The following ANKRD36 variants were observed in gnomAD, a reference collection of about 807,000 sequenced individuals.
ANKRD36 encodes the protein ankyrin repeat domain 36, also known as ankyrin repeat domain-containing protein 36A.
ANKRD36 carries 179 observed loss-of-function variants against 278.1 expected under a neutral mutation model. That is an observed-to-expected ratio of 0.64 (90% CI 0.57 to 0.73). ANKRD36 has a LOEUF of 0.73. Among genes scored for constraint, ANKRD36 ranks in the 30% least tolerant of loss-of-function variants. The pLI is 0.00. For synonymous variants in ANKRD36, 320 were observed against 641.1 expected, an observed-to-expected ratio of 0.50 and a Z score of 7.57; for missense variants, 1,159 against 1,956.7, an observed-to-expected ratio of 0.59 and a Z score of 7.69.
intron 62 of ANKRD36, chr2:97,216,810 C>T (rs1475894055): frequency 4.0e-6 from 2 of 498,322 alleles, no homozygotes; most frequent in Non-Finnish European, 7.0e-6. Context: ...CATGAAAGAC[C>T]TGTGGGATCA....
intron 36 of ANKRD36, among the ~76,000 whole-genome samples, chr2:97,192,212 A>G (rs924710379): frequency 3.3e-5 from 5 of 151,780 alleles, no homozygotes; most frequent in African/African-American, 1.2e-4. Flanking sequence ...GAGTGGATGA[A>G]GAAACTTTAG....
chr2:97,221,169 G>A lies in ANKRD36; in HGVS notation c.3877+1923G>A, dbSNP rs946878789. Among the ~76,000 whole-genome samples, 6 of 135,370 alleles carry A rather than the reference G, an allele frequency of 4.4e-5. 1 individual carries two copies. The highest frequency in any genetic ancestry group is 1.0e-4 in the African/African-American group (3 of 29,964). 88.8% of individuals were successfully genotyped at this position (135,370 alleles called of 152,430 possible). A position where few individuals can be genotyped will look rare whatever the true frequency, so the allele number is the denominator to read the frequency against. On this transcript the variant is annotated intron_variant, in intron 66 of 75. Coordinates refer to ENST00000420699, the MANE Select transcript of ANKRD36 (RefSeq NM_001354587.1). ...ATATGTGCCACATTTTCTTAATCCAGTCTATCATTGTTGGACATTTGGGTT... is the reference window on the plus strand; with the variant it reads ...ATATGTGCCACATTTTCTTAATCCAATCTATCATTGTTGGACATTTGGGTT...
At chr2:97,206,008 A>T in intron 51 of ANKRD36, 40 bp downstream of exon 51, 2 of 1,545,818 alleles carry the variant, frequency 1.3e-6, no homozygotes, top group Non-Finnish European at 1.7e-6. Context: ...GAGTTAATAT[A>T]TGGTCTATGA....
At chr2:97,135,625 G>A (rs1285699591) in intron 6 of ANKRD36, among the ~76,000 whole-genome samples, 2 of 150,418 alleles carry the variant, frequency 1.3e-5, no homozygotes, top group East Asian at 2.0e-4. Context: ...TCTGCTTCAC[G>A]TGATCCTGGA....
chr2:97,212,055 A>G (rs1241703005), intron 58 of ANKRD36, among the ~76,000 whole-genome samples: 1 of 151,848 alleles, frequency 6.6e-6, no homozygotes, highest in Non-Finnish European at 1.5e-5. Context: ...AAGAGGGAAA[A>G]GAGAAAGAGA....
At chr2:97,188,685 T>C (rs1277729348) in intron 32 of ANKRD36, among the ~76,000 whole-genome samples, 1 of 90,664 alleles carries the variant, frequency 1.1e-5, no homozygotes, top group Non-Finnish European at 3.9e-5. Flanking sequence ...TGTAGTACAA[T>C]GGTGTAAATC....
At chr2:97,170,321 T>A (rs968695260) in intron 22 of ANKRD36, among the ~76,000 whole-genome samples, 2 of 151,754 alleles carry the variant, frequency 1.3e-5, no homozygotes, top group African/African-American at 4.8e-5. Flanking sequence ...AAGGCTACAG[T>A]AACCAAAACA....
chr2:97,155,010 T>C (rs1575040586), intron 15 of ANKRD36, among the ~76,000 whole-genome samples: 2 of 144,384 alleles, frequency 1.4e-5, no homozygotes, highest in East Asian at 3.9e-4. Context: ...CAGGAAAATA[T>C]GGTTTTGGAA....
intron 12 of ANKRD36, among the ~76,000 whole-genome samples, chr2:97,151,378 C>T (rs982939714): frequency 4.6e-5 from 7 of 152,038 alleles, no homozygotes; most frequent in Admixed American, 1.3e-4. Flanking sequence ...TAGCTTTTGA[C>T]ACGCTGAATA....
chr2:97,203,109 C>A (rs1413192030), intron 48 of ANKRD36, among the ~76,000 whole-genome samples: 2 of 151,806 alleles, frequency 1.3e-5, no homozygotes, highest in African/African-American at 2.4e-5. Context: ...ATAATTGAGA[C>A]AAACTTGAAT....
rs553210286 is a variant in ANKRD36, at chr2:97,217,503, C to T, written c.3775+131C>T. 3.9e-6 allele frequency: 5 copies of T among 1,284,258 alleles called. No homozygotes were observed. In the East Asian group the frequency reaches 1.3e-4, roughly 34 times the overall value. The allele number at this position is 1,284,258 out of a possible 1,614,324, so 79.6% of individuals were successfully genotyped here. On this transcript the variant is annotated intron_variant, in intron 64 of 75. Coordinates refer to ENST00000420699, the MANE Select transcript of ANKRD36 (RefSeq NM_001354587.1). Reference sequence around the variant, plus strand: ...TCAGCAGGCCTGAGATTGTGCATTTCTACTGAGTTGTCAGGTGTTGTTGAT... The same window carrying T: ...TCAGCAGGCCTGAGATTGTGCATTTTTACTGAGTTGTCAGGTGTTGTTGAT...
intron 11 of ANKRD36, among the ~76,000 whole-genome samples, chr2:97,148,495 G>A (rs562954992): frequency 6.6e-6 from 1 of 152,340 alleles, no homozygotes; most frequent in African/African-American, 2.4e-5. Context: ...AAGTACTTAG[G>A]AGGGAGACTT....
At chr2:97,231,438 C>A (rs1210395805) in intron 67 of ANKRD36, among the ~76,000 whole-genome samples, 1 of 152,272 alleles carries the variant, frequency 6.6e-6, no homozygotes, top group Non-Finnish European at 1.5e-5. Flanking sequence ...CCCTCTGAGC[C>A]AGGTGCAGGA....
chr2:97,204,928 T>A lies in ANKRD36; in HGVS notation c.3061+665T>A, dbSNP rs546358482. ...ATAACTCATTACTCCTCTTTGTTAC[T>A]ATTAGGCATCAGAGATACACGTGTT... On this transcript the variant is annotated intron_variant, in intron 50 of 75. Coordinates refer to ENST00000420699, the MANE Select transcript of ANKRD36 (RefSeq NM_001354587.1). Among the ~76,000 whole-genome samples, 34 of 151,622 alleles carry A rather than the reference T, an allele frequency of 2.2e-4. 1 individual carries two copies. The highest frequency in any genetic ancestry group is 1.5e-3 in the South Asian group (7 of 4,790).
chr2:97,216,483 A>T (rs2065958983), intron 62 of ANKRD36: 1 of 157,042 alleles, frequency 6.4e-6, no homozygotes, highest in Admixed American at 6.2e-5. Flanking sequence ...ATAATTGATG[A>T]TATTTTTATT....
chr2:97,157,437 C>T (rs2047757455), intron 15 of ANKRD36, among the ~76,000 whole-genome samples: 2 of 142,858 alleles, frequency 1.4e-5, no homozygotes, highest in South Asian at 4.3e-4. Flanking sequence ...TTGCAGACCG[C>T]ATGTCTTTAG....
intron 11 of ANKRD36, among the ~76,000 whole-genome samples, chr2:97,146,851 C>T (rs1456893673): frequency 4.0e-5 from 6 of 151,552 alleles, no homozygotes; most frequent in Admixed American, 2.0e-4. Context: ...TGCAGCAATG[C>T]GATCACGGTA....
chr2:97,172,831 ATGTG>A lies in ANKRD36; in HGVS notation c.1633+5088_1633+5091del, dbSNP rs368506104. On this transcript the variant is annotated intron_variant, in intron 22 of 75. Transcript: ENST00000420699. The stretch of plus-strand genomic sequence containing the variant: ...ATATTGCTCTGGTTTTTGTGTGTGA[ATGTG>A]TGTGTGTGTGTGTGTGTGTGTGTAT... Among the ~76,000 whole-genome samples, 403 of 146,484 alleles carry A rather than the reference ATGTG, an allele frequency of 2.8e-3. 3 individuals carry two copies. The highest frequency in any genetic ancestry group is 0.024 in the East Asian group (116 of 4,848).
At position 97,185,528 on chromosome 2, in the gene ANKRD36, A is replaced by G. The variant is rs757941166; in HGVS notation, c.2041+18A>G. ...TGGGACAGGTAATTTTGCAAAACACATTTAATGTCATGTTCAGTCCAGATA... is the reference window on the plus strand; with the variant it reads ...TGGGACAGGTAATTTTGCAAAACACGTTTAATGTCATGTTCAGTCCAGATA... On this transcript the variant is annotated intron_variant, in intron 30 of 75. Transcript: ENST00000420699. 23 of 1,607,074 alleles carry G rather than the reference A, an allele frequency of 1.4e-5. No homozygotes were observed. Among genetic ancestry groups the G allele is most frequent in the Non-Finnish European group, 1.2e-5 (14 of 1,176,218 alleles).
Sources: gnomAD v4.1 joint callset for allele counts (sites outside exome capture counted in the v4.1 genomes callset) on GRCh38, gnomAD v4.1.1 for gene constraint, MANE v1.5 for transcripts, NCBI Gene and HGNC (gene_info 2026-07-23, HGNC 2026-07-21) for gene names.